The following PDS5B variants were observed in gnomAD, a reference collection of about 807,000 sequenced individuals.
The protein encoded by PDS5B is PDS5 cohesin associated factor B.
A neutral mutation model predicts 184.1 loss-of-function variants in PDS5B; 51 were observed. The observed-to-expected ratio is 0.28, with a 90% CI of 0.22 to 0.35. The LOEUF (loss-of-function observed/expected upper bound fraction) is 0.35. PDS5B is among the 10% of genes least tolerant of loss of function. The probability of loss-of-function intolerance (pLI) is 1.00; values close to 1 mark genes in which losing one functional copy is unlikely to be tolerated. For missense variants in PDS5B, 1,180 were observed against 1,723.3 expected (o/e 0.68, Z 5.58); for synonymous variants, 566 against 569.2 (o/e 0.99, Z 0.08).
chr13:32,691,084 T>C (rs553562280), intron 13 of PDS5B: 2 of 138,222 alleles, frequency 1.4e-5, no homozygotes, highest in South Asian at 4.9e-4. Flanking sequence ...TATGAATCTA[T>C]TACCCAACTT....
At chr13:32,700,038 A>T (rs576876241) in intron 16 of PDS5B, among the ~76,000 whole-genome samples, 169 bp downstream of exon 16, 2 of 152,108 alleles carry the variant, frequency 1.3e-5, no homozygotes, top group Non-Finnish European at 2.9e-5. Flanking sequence ...ATTGTGGTGT[A>T]TGTCCTTCTA....
intron 6 of PDS5B, among the ~76,000 whole-genome samples, chr13:32,660,483 C>CG (rs1328177940): frequency 0.042 from 6 of 142 alleles, no homozygotes; most frequent in East Asian, 0.38. Context: ...ACTGAATTCC[C>CG]AGGGGAGACC....
intron 1 of PDS5B, among the ~76,000 whole-genome samples, chr13:32,607,246 A>G (rs2058073910): frequency 6.6e-6 from 1 of 152,108 alleles, no homozygotes; most frequent in Admixed American, 6.5e-5. Context: ...TTTGGTGTGG[A>G]TGTCCTTTCT....
At chr13:32,598,931 C>T (rs1281784568) in intron 1 of PDS5B, among the ~76,000 whole-genome samples, 1 of 151,934 alleles carries the variant, frequency 6.6e-6, no homozygotes, top group African/African-American at 2.4e-5. Flanking sequence ...CCACGGCGCC[C>T]AGCTAATTTT....
At chr13:32,745,880 C>A in intron 23 of PDS5B, 97 bp from the exon 24 acceptor site, 2 of 1,036,730 alleles carry the variant, frequency 1.9e-6, no homozygotes, top group Non-Finnish European at 2.8e-6. Context: ...TTTTTTTAAA[C>A]TTTTTTGTGC....
At chr13:32,707,268 A>C (rs559047617) in intron 18 of PDS5B, among the ~76,000 whole-genome samples, 1 of 152,134 alleles carries the variant, frequency 6.6e-6, no homozygotes, top group African/African-American at 2.4e-5. Context: ...AAAATAGTGG[A>C]GTATAATTCA....
chr13:32,678,572 A>T (rs777386741), intron 9 of PDS5B, among the ~76,000 whole-genome samples: 1 of 152,192 alleles, frequency 6.6e-6, no homozygotes, highest in Non-Finnish European at 1.5e-5. Context: ...TCATTCTTAT[A>T]TTTGAGCCAA....
chr13:32,707,601 G>T, intron 18 of PDS5B, among the ~76,000 whole-genome samples: 1 of 140,538 alleles, frequency 7.1e-6, no homozygotes, highest in African/African-American at 2.7e-5. Flanking sequence ...TGTTTTTCAA[G>T]AGTTTTTTTT....
intron 1 of PDS5B, among the ~76,000 whole-genome samples, chr13:32,600,815 G>A (rs549093788): frequency 7.9e-5 from 12 of 152,302 alleles, no homozygotes; most frequent in Middle Eastern, 3.4e-3. Flanking sequence ...TGTGTTCTCC[G>A]CAGTGGACAG....
chr13:32,753,652 A>T (rs1279239924), intron 25 of PDS5B, 116 bp downstream of exon 25: 13 of 657,568 alleles, frequency 2.0e-5, no homozygotes, highest in East Asian at 1.1e-4. Flanking sequence ...AACAATTTTT[A>T]TTACCATTTT....
chr13:32,609,102 T>G (rs1174102531), intron 1 of PDS5B, among the ~76,000 whole-genome samples: 2 of 152,170 alleles, frequency 1.3e-5, no homozygotes, highest in African/African-American at 4.8e-5. Flanking sequence ...CATATTTAAT[T>G]TGCAAATAAA....
chr13:32,641,387 C>A (rs1950085437), intron 1 of PDS5B, among the ~76,000 whole-genome samples: 1 of 152,004 alleles, frequency 6.6e-6, no homozygotes, highest in Non-Finnish European at 1.5e-5. Context: ...ATTTGGTATT[C>A]ATTCCCATCA....
chr13:32,618,701 G>A (rs1185921681), intron 1 of PDS5B, among the ~76,000 whole-genome samples: 2 of 152,020 alleles, frequency 1.3e-5, no homozygotes, highest in Admixed American at 1.3e-4. Flanking sequence ...GTTTATATGG[G>A]CATTCATGTA....
rs566371455 is a variant in PDS5B, at chr13:32,777,270, A to G, written c.*2218A>G. ...TTCATTGTAGATTTTGTTATGTTCA[A>G]TGCCAATGAGTCTGTAATTTTACGA... is the stretch of plus-strand genomic sequence containing the variant. On this transcript the variant is annotated 3_prime_UTR_variant, in exon 35 of 35. Transcript: ENST00000315596. The G allele has an allele frequency of 1.3e-5, 2 of 151,908 alleles. No individual in the cohort carries two copies. The highest frequency in any genetic ancestry group is 1.9e-4 in the East Asian group (1 of 5,192). The allele number at this position is 151,908 out of a possible 1,614,324, so 9.4% of individuals were successfully genotyped here.
intron 5 of PDS5B, 136 bp downstream of exon 5, chr13:32,658,667 CA>C: frequency 3.7e-6 from 2 of 545,860 alleles, no homozygotes; most frequent in Non-Finnish European, 6.6e-6. Flanking sequence ...TATTTTTATA[CA>C]TGTTTCAAAA....
At chr13:32,596,432 G>C (rs1250767957) in intron 1 of PDS5B, among the ~76,000 whole-genome samples, 2 of 152,104 alleles carry the variant, frequency 1.3e-5, no homozygotes, top group African/African-American at 4.8e-5. Context: ...GGACATTTGG[G>C]TAGAATCCAG....
chr13:32,682,434 CAT>C (rs1951273599), intron 10 of PDS5B, among the ~76,000 whole-genome samples: 1 of 152,172 alleles, frequency 6.6e-6, no homozygotes, highest in Non-Finnish European at 1.5e-5. Flanking sequence ...GCTGCTTTCA[CAT>C]AACATGTTTT....
At chr13:32,654,151 C>T (rs1419559473) in intron 3 of PDS5B, among the ~76,000 whole-genome samples, 2 of 152,080 alleles carry the variant, frequency 1.3e-5, no homozygotes, top group Non-Finnish European at 2.9e-5. Flanking sequence ...GGGGATAGTA[C>T]TTAAAATTAC....
intron 19 of PDS5B, among the ~76,000 whole-genome samples, chr13:32,713,050 T>G (rs1952256850): frequency 6.6e-6 from 1 of 152,216 alleles, no homozygotes; most frequent in Non-Finnish European, 1.5e-5. Flanking sequence ...AAACTGAGGA[T>G]CCTGTCATAA....
Sources: gnomAD v4.1 joint callset for allele counts (sites outside exome capture counted in the v4.1 genomes callset) on GRCh38, gnomAD v4.1.1 for gene constraint, MANE v1.5 for transcripts, NCBI Gene and HGNC (gene_info 2026-07-23, HGNC 2026-07-21) for gene names.